The following SYNDIG1 variants were observed in gnomAD, a reference collection of about 807,000 sequenced individuals.
SYNDIG1 encodes synapse differentiation inducing 1, also known as synapse differentiation-inducing gene protein 1.
In SYNDIG1, 9 loss-of-function variants were observed where a neutral mutation model predicts 19.4. The observed-to-expected ratio is 0.46, with a 90% CI of 0.28 to 0.81. The LOEUF is 0.81. SYNDIG1 is among the 30% of genes least tolerant of loss of function. The pLI is 0.12. For missense variants in SYNDIG1, 311 were observed against 343.3 expected, an observed-to-expected ratio of 0.91 and a Z score of 0.74; for synonymous variants, 141 against 145.9, an observed-to-expected ratio of 0.97 and a Z score of 0.24.
At chr20:24,593,491 A>G (rs1019048912) in intron 3 of SYNDIG1, among the ~76,000 whole-genome samples, 4 of 152,142 alleles carry the variant, frequency 2.6e-5, no homozygotes, top group African/African-American at 4.8e-5. Context: ...TAGTGCTATG[A>G]TGAACATATG....
chr20:24,583,933 G>C (rs1039540676), intron 2 of SYNDIG1, among the ~76,000 whole-genome samples: 7 of 152,118 alleles, frequency 4.6e-5, no homozygotes, highest in Non-Finnish European at 8.8e-5. Flanking sequence ...CTGCACACTA[G>C]GCTTATACCT....
At chr20:24,588,907 G>T (rs2058461952) in intron 3 of SYNDIG1, among the ~76,000 whole-genome samples, 1 of 142,268 alleles carries the variant, frequency 7.0e-6, no homozygotes, top group Non-Finnish European at 1.5e-5. Context: ...GGATGTGCAG[G>T]TTCGGAAGCA....
intron 2 of SYNDIG1, among the ~76,000 whole-genome samples, chr20:24,563,825 A>G (rs551244403): frequency 6.6e-6 from 1 of 152,278 alleles, no homozygotes; most frequent in East Asian, 1.9e-4. Context: ...CTGATCTCAC[A>G]CTTTTGGACT....
intron 2 of SYNDIG1, among the ~76,000 whole-genome samples, chr20:24,584,513 TC>T (rs1341186761): frequency 6.6e-6 from 1 of 152,114 alleles, no homozygotes; most frequent in Non-Finnish European, 1.5e-5. Flanking sequence ...CCCTGCAAAG[TC>T]CCCAGTCCCA....
chr20:24,543,529 C>T lies in SYNDIG1; in HGVS notation c.432C>T (p.His144=), dbSNP rs939957969. The T allele has an allele frequency of 1.9e-6, 3 of 1,607,532 alleles. No individual in the cohort carries two copies. The highest frequency in any genetic ancestry group is 2.7e-5 in the African/African-American group (2 of 75,032). The part of the protein sequence containing the change: ...IDLSADDIKI[H]TLSYDVEEEE... The stretch of plus-strand genomic sequence containing the variant: ...TCTCAGCTGATGACATAAAAATCCA[C>T]ACCCTGTCCTACGATGTGGAGGAGG... Residue 144 remains histidine (H), a synonymous_variant, in exon 2 of 4, where the codon CAC becomes CAT. Transcript: ENST00000376862.
At chr20:24,519,797 T>C (rs978466207) in intron 1 of SYNDIG1, among the ~76,000 whole-genome samples, 2 of 151,702 alleles carry the variant, frequency 1.3e-5, no homozygotes, top group African/African-American at 2.4e-5. Flanking sequence ...TCTCTCTCTC[T>C]CCCTTAGACA....
intron 2 of SYNDIG1, among the ~76,000 whole-genome samples, chr20:24,549,690 C>T (rs561903547): frequency 5.3e-5 from 8 of 152,304 alleles, no homozygotes; most frequent in African/African-American, 1.7e-4. Context: ...TTTGCCTTTT[C>T]GCAAGGACAG....
At chr20:24,518,862 A>G (rs2056944687) in intron 1 of SYNDIG1, among the ~76,000 whole-genome samples, 3 of 152,256 alleles carry the variant, frequency 2.0e-5, no homozygotes, top group Admixed American at 1.3e-4. Context: ...GGTGACAACA[A>G]CGAGGACCAT....
At chr20:24,660,129 T>C (rs1480861373) in intron 3 of SYNDIG1, among the ~76,000 whole-genome samples, 2 of 152,232 alleles carry the variant, frequency 1.3e-5, no homozygotes, top group Non-Finnish European at 2.9e-5. Context: ...TGCCCTTCTA[T>C]CGCTGGCACT....
At chr20:24,656,078 C>G (rs1432785599) in intron 3 of SYNDIG1, among the ~76,000 whole-genome samples, 2 of 152,146 alleles carry the variant, frequency 1.3e-5, no homozygotes, top group African/African-American at 4.8e-5. Context: ...GGATGAGGGA[C>G]AGTGAGGGGG....
At chr20:24,617,794 G>T (rs1232269128) in intron 3 of SYNDIG1, among the ~76,000 whole-genome samples, 4 of 150,150 alleles carry the variant, frequency 2.7e-5, no homozygotes, top group Non-Finnish European at 4.5e-5. Flanking sequence ...AGCCCGGGAA[G>T]GGGGTCCTGG....
At chr20:24,533,267 T>A (rs1484028988) in intron 1 of SYNDIG1, among the ~76,000 whole-genome samples, 1 of 152,162 alleles carries the variant, frequency 6.6e-6, no homozygotes, top group African/African-American at 2.4e-5. Flanking sequence ...CACATTACCT[T>A]CCTCCTTGCA....
At chr20:24,489,610 A>G (rs753133439) in intron 1 of SYNDIG1, among the ~76,000 whole-genome samples, 3 of 152,212 alleles carry the variant, frequency 2.0e-5, no homozygotes, top group Non-Finnish European at 4.4e-5. Context: ...ACAGACACAT[A>G]CATGAATGCA....
At chr20:24,500,838 A>G (rs542348633) in intron 1 of SYNDIG1, among the ~76,000 whole-genome samples, 1 of 152,194 alleles carries the variant, frequency 6.6e-6, no homozygotes, top group Non-Finnish European at 1.5e-5. Flanking sequence ...TGTACTGTGG[A>G]AGATTCATTC....
intron 2 of SYNDIG1, among the ~76,000 whole-genome samples, chr20:24,563,866 A>T (rs1364214625): frequency 6.6e-6 from 1 of 152,126 alleles, no homozygotes; most frequent in Non-Finnish European, 1.5e-5. Context: ...GCCTCCCCCA[A>T]GTGCTAGGAT....
At chr20:24,529,451 A>G (rs2057196070) in intron 1 of SYNDIG1, among the ~76,000 whole-genome samples, 1 of 152,130 alleles carries the variant, frequency 6.6e-6, no homozygotes, top group African/African-American at 2.4e-5. Context: ...TTCATGGACA[A>G]TATGGTCTCT....
intron 2 of SYNDIG1, among the ~76,000 whole-genome samples, chr20:24,575,641 C>T (rs2058215180): frequency 6.6e-6 from 1 of 152,076 alleles, no homozygotes; most frequent in Non-Finnish European, 1.5e-5. Context: ...TTTTTCTGTA[C>T]AGAAAAGTTT....
Position 24,624,113 on chromosome 20 carries a change from A to T in SYNDIG1, c.618+39120A>T, listed in dbSNP as rs1477984889. On this transcript the variant is annotated intron_variant, in intron 3 of 3. Transcript: ENST00000376862. ...CCATCTCTACTAAAAATGCAAAAAA[A>T]TAGCTGAGTGTGGTGGTGGGTGCCT... Among the ~76,000 whole-genome samples, 4 of 152,136 alleles carry T rather than the reference A, an allele frequency of 2.6e-5. No homozygotes were observed. In the East Asian group the frequency reaches 7.7e-4, roughly 29 times the overall value.
chr20:24,500,744 C>T (rs543683376), intron 1 of SYNDIG1, among the ~76,000 whole-genome samples: 1 of 152,230 alleles, frequency 6.6e-6, no homozygotes, highest in African/African-American at 2.4e-5. Context: ...AAATGATGGT[C>T]CTGTCAGCCA....
Sources: allele counts gnomAD v4.1 joint callset (sites outside exome capture counted in the v4.1 genomes callset), GRCh38; gene constraint gnomAD v4.1.1; transcripts MANE v1.5; gene names NCBI Gene and HGNC (gene_info 2026-07-23, HGNC 2026-07-21).